Variants in DYDC1 observed in about 807,000 individuals in gnomAD.
DYDC1 encodes the protein DPY30 domain containing 1, also known as DPY30 domain-containing protein 1.
Under a neutral mutation model 27.9 loss-of-function variants are expected in DYDC1, and 21 were observed. The ratio of observed to expected loss-of-function variants is 0.75; its 90% CI spans 0.53 to 1.08. DYDC1 has a LOEUF of 1.08. DYDC1 is among the 50% of genes least tolerant of loss of function. The pLI, the probability that DYDC1 is intolerant of heterozygous loss-of-function variation, is 0.00. For missense variants in DYDC1, 202 were observed against 205.9 expected (o/e 0.98, Z 0.12); for synonymous variants, 67 against 65.8 (o/e 1.02, Z -0.09).
intron 6 of DYDC1, chr10:80,337,513 G>A: frequency 5.7e-6 from 5 of 875,712 alleles, no homozygotes; most frequent in Non-Finnish European, 6.8e-6. Context: ...TTACCAGATG[G>A]TCTTTGCAAA....
At chr10:80,355,236 C>T (rs911820866) in intron 1 of DYDC1, among the ~76,000 whole-genome samples, 1 of 151,886 alleles carries the variant, frequency 6.6e-6, no homozygotes, top group East Asian at 2.0e-4. Context: ...TGGACAAATG[C>T]ATCTAGCATT....
Position 80,351,997 on chromosome 10 carries a change from T to C in DYDC1, c.153A>G (p.Gln51=). The C allele has an allele frequency of 6.2e-7, 1 of 1,614,054 alleles. No individual in the cohort carries two copies. Among genetic ancestry groups the C allele is most frequent in the South Asian group, 1.1e-5 (1 of 91,084 alleles). ...KENVTMEQLR[Q]KEMAKLERER... ...CACGCTCCAGCTTGGCCATTTCCTT[T>C]TGTCTCTAGCATTGTTTAAAAACAA... The change falls in exon 3 of 7, where the codon CAA becomes CAG. Residue 51 remains glutamine, a synonymous_variant. Transcript: ENST00000372202.
chr10:80,343,270 A>G (rs991839066), intron 3 of DYDC1, among the ~76,000 whole-genome samples: 1 of 152,226 alleles, frequency 6.6e-6, no homozygotes, highest in Admixed American at 6.5e-5. Flanking sequence ...AAACACAGCC[A>G]TGCTAATTTG....
intron 4 of DYDC1, among the ~76,000 whole-genome samples, chr10:80,339,696 CA>C (rs1259078978): frequency 6.6e-6 from 1 of 152,164 alleles, no homozygotes; most frequent in Non-Finnish European, 1.5e-5. Context: ...TCTAGTCAGC[CA>C]AACCTTGCTA....
intron 6 of DYDC1, 44 bp from the exon 7 acceptor site, chr10:80,336,229 A>C (rs746101820): frequency 1.3e-6 from 2 of 1,532,010 alleles, no homozygotes; most frequent in Non-Finnish European, 1.7e-6. Flanking sequence ...TACAATTAGA[A>C]CTGTGAAAAG....
At position 80,352,686 on chromosome 10, in the gene DYDC1, G is replaced by A. The variant is rs1319326394; in HGVS notation, c.-9-76C>T. ...CTATAAAACTAAAGTCCAGTGAGGT[G>A]AACAAAGCCTTACATACACCCTGCC... is the stretch of plus-strand genomic sequence containing the variant. On this transcript the variant is annotated intron_variant, in intron 1 of 6. Transcript: ENST00000372202. 4 of 1,472,196 alleles carry A rather than the reference G, an allele frequency of 2.7e-6. No individual in the cohort carries two copies. The Admixed American group carries it at 7.2e-5, about 27-fold the overall frequency. 91.2% of individuals were successfully genotyped at this position (1,472,196 alleles called of 1,614,324 possible).
chr10:80,347,923 T>A (rs1842766432), intron 3 of DYDC1, among the ~76,000 whole-genome samples: 1 of 152,238 alleles, frequency 6.6e-6, no homozygotes, highest in Non-Finnish European at 1.5e-5. Context: ...TTAGGATTGC[T>A]TTGGCTATTC....
At chr10:80,343,657 G>A (rs746307597) in intron 3 of DYDC1, among the ~76,000 whole-genome samples, 8 of 151,502 alleles carry the variant, frequency 5.3e-5, no homozygotes, top group African/African-American at 9.7e-5. Flanking sequence ...TTTGAATGTC[G>A]CACTTTTAAG....
At chr10:80,346,840 C>T (rs936742623) in intron 3 of DYDC1, among the ~76,000 whole-genome samples, 21 of 151,354 alleles carry the variant, frequency 1.4e-4, no homozygotes, top group Non-Finnish European at 2.4e-4. Flanking sequence ...TTTGGGAGGC[C>T]GAGGTGGGTG....
At chr10:80,344,754 C>A in intron 3 of DYDC1, 1 of 328,074 alleles carries the variant, frequency 3.0e-6, no homozygotes. Context: ...TTGCTGCCAC[C>A]ATGTAAGAAG....
chr10:80,344,506 G>A (rs1842494886), intron 3 of DYDC1, among the ~76,000 whole-genome samples: 1 of 152,158 alleles, frequency 6.6e-6, no homozygotes, highest in Admixed American at 6.5e-5. Context: ...AGTTTGAAGT[G>A]ACTGAAAAAC....
intron 1 of DYDC1, among the ~76,000 whole-genome samples, chr10:80,354,699 A>G (rs1014676386): frequency 2.0e-5 from 3 of 152,112 alleles, no homozygotes; most frequent in African/African-American, 7.2e-5. Flanking sequence ...CCTTATAAAA[A>G]GAGATGGGAG....
chr10:80,342,180 C>G, intron 4 of DYDC1, 89 bp downstream of exon 4: 2 of 1,299,564 alleles, frequency 1.5e-6, no homozygotes, highest in Non-Finnish European at 2.2e-6. Context: ...CTACAAATCC[C>G]ATGGTCCTTC....
At chr10:80,338,601 A>G (rs1200349004) in intron 5 of DYDC1, 30 bp from the exon 6 acceptor site, 1 of 1,511,056 alleles carries the variant, frequency 6.6e-7, no homozygotes, top group Admixed American at 2.4e-5. Flanking sequence ...TTTTACTTTT[A>G]AATGATTTCA....
intron 3 of DYDC1, among the ~76,000 whole-genome samples, chr10:80,343,933 T>C (rs942517042): frequency 1.3e-5 from 2 of 152,038 alleles, no homozygotes; most frequent in Admixed American, 1.3e-4. Context: ...CTGGCCAACA[T>C]GGTGAAACCC....
Position 80,352,847 on chromosome 10 carries a change from A to C in DYDC1, c.-9-237T>G, listed in dbSNP as rs1589521263. 1.1e-5 allele frequency: 4 copies of C among 362,466 alleles called. No homozygotes were observed. The East Asian group carries it at 1.8e-4, about 16-fold the overall frequency. The allele number at this position is 362,466 out of a possible 1,614,324, so 22.5% of individuals were successfully genotyped here. A position where few individuals can be genotyped will look rare whatever the true frequency, so the allele number is the denominator to read the frequency against. On this transcript the variant is annotated intron_variant, in intron 1 of 6. Transcript: ENST00000372202. The stretch of plus-strand genomic sequence containing the variant: ...AAAATCCTGAAGGACTCTCAAGTCC[A>C]AGAGTCAGAAAAGAGATATTATCAT...
intron 6 of DYDC1, chr10:80,337,172 G>T: frequency 2.2e-5 from 22 of 985,380 alleles, no homozygotes; most frequent in Non-Finnish European, 2.7e-5. Flanking sequence ...CTAATTCCTT[G>T]AACTTCACCT....
At chr10:80,345,879 A>AT (rs1180263340) in intron 3 of DYDC1, among the ~76,000 whole-genome samples, 1 of 152,154 alleles carries the variant, frequency 6.6e-6, no homozygotes, top group Non-Finnish European at 1.5e-5. Flanking sequence ...TTTTTTCAAG[A>AT]CAGGGTCTTG....
At chr10:80,338,718 C>A in intron 5 of DYDC1, 147 bp from the exon 6 acceptor site, 2 of 825,784 alleles carry the variant, frequency 2.4e-6, no homozygotes, top group Non-Finnish European at 3.4e-6. Flanking sequence ...CTGTTAATGA[C>A]AAGAGAATTC....
Sources: gnomAD v4.1 joint callset for allele counts (sites outside exome capture counted in the v4.1 genomes callset) on GRCh38, gnomAD v4.1.1 for gene constraint, MANE v1.5 for transcripts, NCBI Gene and HGNC (gene_info 2026-07-23, HGNC 2026-07-21) for gene names.